ZFC3H1: variants seen among roughly 807,000 people sequenced by gnomAD.
ZFC3H1 encodes zinc finger C3H1 domain-containing protein.
ZFC3H1 carries 71 observed loss-of-function variants against 243.7 expected under a neutral mutation model. That is an observed-to-expected ratio of 0.29 (90% CI 0.24 to 0.36). ZFC3H1 has a LOEUF of 0.36. ZFC3H1 is among the 10% of genes least tolerant of loss of function. ZFC3H1 has a pLI of 1.00. For missense variants in ZFC3H1, 1,966 were observed against 2,317.1 expected, an observed-to-expected ratio of 0.85 and a Z score of 3.11; for synonymous variants, 838 against 813.0, an observed-to-expected ratio of 1.03 and a Z score of -0.52.
intron 5 of ZFC3H1, among the ~76,000 whole-genome samples, chr12:71,643,231 T>C (rs1477234443): frequency 2.6e-5 from 4 of 151,880 alleles, no homozygotes; most frequent in African/African-American, 9.7e-5. Flanking sequence ...GCCAACATGG[T>C]GAAACCCCGT....
chr12:71,653,080 T>C (rs1432704926), intron 2 of ZFC3H1, among the ~76,000 whole-genome samples: 1 of 151,986 alleles, frequency 6.6e-6, no homozygotes, highest in African/African-American at 2.4e-5. Flanking sequence ...CCTGAGATAC[T>C]GAAAATTAGC....
At position 71,659,578 on chromosome 12, in the gene ZFC3H1, T is replaced by TA. The variant is rs138000934; in HGVS notation, c.599-2278dup. ...AGCCATTTAAAGGCACAACTGCAATTAAAAAAAAAAGAAAAGAAAGGGAAA... is the reference window on the plus strand; with the variant it reads ...AGCCATTTAAAGGCACAACTGCAATTAAAAAAAAAAAGAAAAGAAAGGGAAA... On this transcript the variant is annotated intron_variant, in intron 1 of 34. Coordinates refer to ENST00000378743, the MANE Select transcript of ZFC3H1 (RefSeq NM_144982.5). 7.1e-3 allele frequency among the ~76,000 whole-genome samples: 1,039 copies of TA among 145,846 alleles called. 10 individuals carry two copies. Among genetic ancestry groups the TA allele is most frequent in the African/African-American group, 0.024 (935 of 39,758 alleles).
chr12:71,654,140 CTAAAGAATGTATT>C (rs920266316), intron 2 of ZFC3H1, among the ~76,000 whole-genome samples: 1 of 151,882 alleles, frequency 6.6e-6, no homozygotes, highest in Non-Finnish European at 1.5e-5. Context: ...AAAAAAAAGT[CTAAAGAATGTATT>C]TAAGCACAGA....
intron 32 of ZFC3H1, 84 bp from the exon 33 acceptor site, chr12:71,611,181 TG>T: frequency 2.2e-6 from 3 of 1,334,514 alleles, no homozygotes; most frequent in Non-Finnish European, 3.0e-6. Context: ...ACACCACCAC[TG>T]GCAGAATACT....
intron 30 of ZFC3H1, 97 bp from the exon 31 acceptor site, chr12:71,613,532 T>TA (rs1459454746): frequency 1.5e-6 from 1 of 674,646 alleles, no homozygotes; most frequent in African/African-American, 1.8e-5. Context: ...GTCTTTAAGA[T>TA]ATGAATGTAT....
chr12:71,634,730 A>G lies in ZFC3H1; in HGVS notation c.2334T>C (p.Tyr778=). The G allele has an allele frequency of 6.2e-7, 1 of 1,602,994 alleles. No individual in the cohort carries two copies. The highest frequency in any genetic ancestry group is 8.5e-7 in the Non-Finnish European group (1 of 1,176,372). The change falls in exon 11 of 35, where the codon TAT becomes TAC. Residue 778 remains tyrosine (Y), a synonymous_variant. Transcript: ENST00000378743. Reference sequence around the variant, plus strand: ...TGGCAATCTCTTCCTTTAACAATCTATATTCAATCTTCTTTTCTTCAGGCA... The same window carrying G: ...TGGCAATCTCTTCCTTTAACAATCTGTATTCAATCTTCTTTTCTTCAGGCA... The part of the protein sequence containing the change: ...EALPEEKKIE[Y]RLLKEEIANR...
rs1226495558 is a variant in ZFC3H1 at position 71,627,928 on chromosome 12, T to G, written c.3953A>C (p.Gln1318Pro). The G allele has an allele frequency of 1.9e-6, 3 of 1,611,006 alleles. No homozygotes were observed. The highest frequency in any genetic ancestry group is 2.5e-6 in the Non-Finnish European group (3 of 1,179,320). Residue 1318 changes from glutamine to proline, a missense_variant, in exon 21 of 35, where the codon CAG (glutamine) becomes CCG (proline). Transcript: ENST00000378743. ...QSTGPIKYAF[Q>P]PENQINVPAL... Reference sequence around the variant, plus strand: ...TGGAACATTTATTTGGTTCTCTGGCTGGAAAGCTATTTAAAAAAAAAGTAT... The same window carrying G: ...TGGAACATTTATTTGGTTCTCTGGCGGGAAAGCTATTTAAAAAAAAAGTAT...
chr12:71,655,128 A>G (rs954265661), intron 2 of ZFC3H1, among the ~76,000 whole-genome samples: 1 of 152,176 alleles, frequency 6.6e-6, no homozygotes, highest in African/African-American at 2.4e-5. Flanking sequence ...TCAAACATAC[A>G]CAGAACTCTT....
chr12:71,615,097 G>T, intron 28 of ZFC3H1, 109 bp downstream of exon 28: 1 of 1,136,966 alleles, frequency 8.8e-7, no homozygotes, highest in Non-Finnish European at 1.3e-6. Flanking sequence ...CTTCAATTGT[G>T]CTTCAATGAC....
intron 11 of ZFC3H1, among the ~76,000 whole-genome samples, 168 bp downstream of exon 11, chr12:71,634,536 A>G (rs567707028): frequency 1.3e-5 from 2 of 152,254 alleles, no homozygotes; most frequent in South Asian, 4.1e-4. Flanking sequence ...ACTCTATTCA[A>G]GTGTATGTAT....
chr12:71,615,319 G>GAA lies in ZFC3H1; in HGVS notation c.5145-5_5145-4dup. 4.7e-6 allele frequency: 7 copies of GAA among 1,484,052 alleles called. No homozygotes were observed. Among genetic ancestry groups the GAA allele is most frequent in the Non-Finnish European group, 6.4e-6 (7 of 1,092,040 alleles). 91.9% of individuals were successfully genotyped at this position (1,484,052 alleles called of 1,614,324 possible). A position where few individuals can be genotyped will look rare whatever the true frequency, so the allele number is the denominator to read the frequency against. On this transcript the variant is annotated splice_polypyrimidine_tract_variant and splice_region_variant and intron_variant, in intron 27 of 34. Coordinates refer to ENST00000378743, the MANE Select transcript of ZFC3H1 (RefSeq NM_144982.5). ...GTCCTGGAATATTTAAGAGATACCT[G>GAA]AAAAAAAAAATCCAAATATTGTTTT...
chr12:71,660,984 T>A (rs1013942050), intron 1 of ZFC3H1, among the ~76,000 whole-genome samples: 5 of 151,472 alleles, frequency 3.3e-5, no homozygotes, highest in African/African-American at 1.2e-4. Flanking sequence ...TTAATAAAAA[T>A]TTTTTTTAAT....
chr12:71,636,626 G>A lies in ZFC3H1; in HGVS notation c.1964C>T (p.Ser655Leu). ...EETSSNSDPPSPPVLNNSHPV... is the reference protein window; with the variant it reads ...EETSSNSDPPLPPVLNNSHPV... ...ATGTGAATTGTTCAGAACTGGAGGT[G>A]AAGGTGGGTCACTATTACTGGATGT... is the stretch of plus-strand genomic sequence containing the variant. Residue 655 changes from serine to leucine, a missense_variant, in exon 9 of 35, where the codon TCA becomes TTA. Physicochemically the swap from Ser to Leu is moderately radical, Grantham distance 145. Coordinates refer to ENST00000378743, the MANE Select transcript of ZFC3H1 (RefSeq NM_144982.5). 1 of 1,612,686 alleles carries A rather than the reference G, an allele frequency of 6.2e-7. No individual in the cohort carries two copies. The highest frequency in any genetic ancestry group is 8.5e-7 in the Non-Finnish European group (1 of 1,179,582).
intron 22 of ZFC3H1, 33 bp downstream of exon 22, chr12:71,626,227 C>CAA: frequency 6.2e-7 from 1 of 1,606,422 alleles, no homozygotes; most frequent in Non-Finnish European, 8.5e-7. Flanking sequence ...CACACACACA[C>CAA]ACACACACAC....
intron 4 of ZFC3H1, 83 bp downstream of exon 4, chr12:71,644,794 G>A: frequency 1.3e-6 from 2 of 1,483,636 alleles, no homozygotes; most frequent in Non-Finnish European, 1.8e-6. Context: ...CTCCAGCCTG[G>A]GCGACAAGAG....
At chr12:71,661,231 C>A (rs1016757968) in intron 1 of ZFC3H1, among the ~76,000 whole-genome samples, 1 of 149,832 alleles carries the variant, frequency 6.7e-6, no homozygotes, top group African/African-American at 2.5e-5. Context: ...ACCCGGGAGG[C>A]GGAGCTTGCA....
intron 3 of ZFC3H1, among the ~76,000 whole-genome samples, chr12:71,646,094 T>C (rs753549836): frequency 2.6e-5 from 4 of 152,244 alleles, no homozygotes; most frequent in Non-Finnish European, 4.4e-5. Context: ...TTAAATTCTT[T>C]CTATTGTTAA....
At chr12:71,661,342 T>C (rs1324158674) in intron 1 of ZFC3H1, among the ~76,000 whole-genome samples, 2 of 152,016 alleles carry the variant, frequency 1.3e-5, no homozygotes, top group Non-Finnish European at 2.9e-5. Flanking sequence ...CACATATATA[T>C]GCTTAAATAG....
chr12:71,663,378 G>C lies in ZFC3H1; in HGVS notation c.233C>G (p.Ser78Cys). 2 of 1,612,708 alleles carry C rather than the reference G, an allele frequency of 1.2e-6. No individual in the cohort carries two copies. The highest frequency in any genetic ancestry group is 1.7e-6 in the Non-Finnish European group (2 of 1,180,030). ...GGGGSSSSSSSSQQQLRNFSR... is the reference protein window; with the variant it reads ...GGGGSSSSSSCSQQQLRNFSR... ...GAAATTCCTCAGCTGCTGCTGAGAA[G>C]AGGACGATGACGAGGAAGAGCCACC... The change falls in exon 1 of 35, where the codon TCT becomes TGT. Residue 78 changes from serine to cysteine, a missense_variant. This residue lies in a region of ZFC3H1 where 484 missense variants were observed against 449.7 expected (regional missense o/e 1.08). Coordinates refer to ENST00000378743, the MANE Select transcript of ZFC3H1 (RefSeq NM_144982.5).
Sources: allele counts gnomAD v4.1 joint callset (sites outside exome capture counted in the v4.1 genomes callset), GRCh38; gene constraint gnomAD v4.1.1; regional missense constraint gnomAD v4.1.1; transcripts MANE v1.5; gene names NCBI Gene and HGNC (gene_info 2026-07-23, HGNC 2026-07-21).